EBF2: variants seen among roughly 807,000 people sequenced by gnomAD.
The protein encoded by EBF2 is EBF transcription factor 2.
EBF2 carries 21 observed loss-of-function variants against 72.8 expected under a neutral mutation model. The observed-to-expected ratio is 0.29, with a 90% CI of 0.20 to 0.42. The LOEUF (loss-of-function observed/expected upper bound fraction) is 0.42, where lower values mean the gene tolerates loss of function less well. EBF2 is among the 10% of genes least tolerant of loss of function. The pLI is 1.00. For synonymous variants in EBF2, 299 were observed against 274.2 expected (o/e 1.09, Z -0.89); for missense variants, 637 against 731.2 (o/e 0.87, Z 1.49).
At chr8:25,993,398 A>G (rs555392330) in intron 6 of EBF2, among the ~76,000 whole-genome samples, 78 of 152,288 alleles carry the variant, frequency 5.1e-4, no homozygotes, top group African/African-American at 1.8e-3. Flanking sequence ...GCCTCTTACT[A>G]CAAGACCTAG....
rs1252147421 is a variant in EBF2 at position 26,044,388 on chromosome 8, G to T, written c.131+341C>A. On this transcript the variant is annotated intron_variant, in intron 1 of 15. Coordinates refer to ENST00000520164, the MANE Select transcript of EBF2 (RefSeq NM_022659.4). This position sits in a 1 kb window ranked among gnomAD's most constrained non-coding sequence, Gnocchi z 4.1. The stretch of plus-strand genomic sequence containing the variant: ...CTGCCAGCGCCGGTGTTCACGCTCC[G>T]TTCGGGGCCAGGCCGGCTCGGCTTG... Among the ~76,000 whole-genome samples, 1 of 152,288 alleles carries T rather than the reference G, an allele frequency of 6.6e-6. No individual in the cohort carries two copies. Among genetic ancestry groups the T allele is most frequent in the Non-Finnish European group, 1.5e-5 (1 of 68,054 alleles).
intron 14 of EBF2, among the ~76,000 whole-genome samples, chr8:25,851,304 G>T (rs4618702): frequency 0.48 from 72,288 of 151,644 alleles, 18,251 homozygotes; most frequent in African/African-American, 0.64. Flanking sequence ...ATGTAAAAGT[G>T]TATTAACATT....
intron 6 of EBF2, among the ~76,000 whole-genome samples, chr8:25,930,570 T>C (rs1464296680): frequency 6.6e-6 from 1 of 152,154 alleles, no homozygotes; most frequent in Non-Finnish European, 1.5e-5. Context: ...CCTCATTTAG[T>C]TGAGAAAGAG....
intron 6 of EBF2, among the ~76,000 whole-genome samples, chr8:25,926,642 A>G (rs1803392588): frequency 6.6e-6 from 1 of 152,144 alleles, no homozygotes; most frequent in Admixed American, 6.5e-5. Flanking sequence ...TGATTCCTCC[A>G]TATGTTCCAC....
chr8:25,947,682 C>T (rs570365715), intron 6 of EBF2, among the ~76,000 whole-genome samples: 6 of 152,306 alleles, frequency 3.9e-5, no homozygotes, highest in African/African-American at 9.6e-5. Flanking sequence ...TGTTGCAACA[C>T]GACACACTCC....
chr8:25,956,172 A>G (rs1404734294), intron 6 of EBF2, among the ~76,000 whole-genome samples: 1 of 152,132 alleles, frequency 6.6e-6, no homozygotes, highest in Non-Finnish European at 1.5e-5. Context: ...TAATCCCAGC[A>G]CTTTGGGAGG....
At chr8:26,005,541 T>TATAAAATATAATATATA (rs1403511221) in intron 6 of EBF2, among the ~76,000 whole-genome samples, 2 of 36,396 alleles carry the variant, frequency 5.5e-5, no homozygotes, top group Non-Finnish European at 8.9e-5. Context: ...TTATATATAT[T>TATAAAATATAATATATA]TTATATATAT....
chr8:25,904,914 G>A (rs1214660381), intron 7 of EBF2, among the ~76,000 whole-genome samples: 2 of 152,136 alleles, frequency 1.3e-5, no homozygotes, highest in African/African-American at 2.4e-5. Flanking sequence ...GACAACTCAT[G>A]GAATAGGAGA....
intron 6 of EBF2, among the ~76,000 whole-genome samples, chr8:25,920,977 G>T (rs1458343582): frequency 6.6e-6 from 1 of 152,062 alleles, no homozygotes; most frequent in Non-Finnish European, 1.5e-5. Context: ...AACCGAGATG[G>T]TAATTACAGC....
At chr8:25,897,155 C>T (rs1802873959) in intron 7 of EBF2, among the ~76,000 whole-genome samples, 1 of 151,942 alleles carries the variant, frequency 6.6e-6, no homozygotes, top group Non-Finnish European at 1.5e-5. Context: ...TGGGTTGCTC[C>T]AGCAGAGAGA....
At chr8:26,006,460 T>C (rs144894058) in intron 6 of EBF2, among the ~76,000 whole-genome samples, 350 of 152,348 alleles carry the variant, frequency 2.3e-3, no homozygotes, top group African/African-American at 7.7e-3. Context: ...AATAGATTGC[T>C]CAGGTCTTTG....
intron 5 of EBF2, among the ~76,000 whole-genome samples, chr8:26,034,801 C>G (rs137954908): frequency 7.1e-4 from 108 of 152,310 alleles, no homozygotes; most frequent in African/African-American, 2.5e-3. Flanking sequence ...AATAACCAAA[C>G]TCTATGTGAA....
At chr8:25,956,735 G>A (rs1234194198) in intron 6 of EBF2, among the ~76,000 whole-genome samples, 3 of 152,232 alleles carry the variant, frequency 2.0e-5, no homozygotes, top group Admixed American at 6.5e-5. Flanking sequence ...TACAGGGCAG[G>A]TGGGGCCGTT....
At chr8:25,845,918 TTCTC>T (rs796670991) in intron 15 of EBF2, among the ~76,000 whole-genome samples, 21 of 152,176 alleles carry the variant, frequency 1.4e-4, no homozygotes, top group African/African-American at 5.1e-4. Context: ...ATGGCTGAAA[TTCTC>T]TCTGCTTTTC....
At chr8:25,863,284 A>C (rs1288401240) in intron 10 of EBF2, among the ~76,000 whole-genome samples, 1 of 152,126 alleles carries the variant, frequency 6.6e-6, no homozygotes, top group Non-Finnish European at 1.5e-5. Context: ...CTTTATGCAT[A>C]ATACGCTTCC....
chr8:26,031,832 G>A (rs900657892), intron 6 of EBF2: 1 of 152,126 alleles, frequency 6.6e-6, no homozygotes, highest in Non-Finnish European at 1.5e-5. Flanking sequence ...AGATTTTTCA[G>A]CTAGATGAGG....
chr8:26,028,806 C>T (rs1391427133), intron 6 of EBF2, among the ~76,000 whole-genome samples: 2 of 152,184 alleles, frequency 1.3e-5, no homozygotes, highest in Non-Finnish European at 2.9e-5. Flanking sequence ...AATGATGTTT[C>T]ATTAGTGTTT....
At chr8:25,857,018 C>T (rs1233673865) in intron 14 of EBF2, among the ~76,000 whole-genome samples, 1 of 152,122 alleles carries the variant, frequency 6.6e-6, no homozygotes, top group Non-Finnish European at 1.5e-5. Context: ...TGCAATAATT[C>T]CCCCAAACAC....
chr8:25,909,516 T>TC lies in EBF2; in HGVS notation c.552-962dup, dbSNP rs994906706. The stretch of plus-strand genomic sequence containing the variant: ...ATTTTACCGCAGTCCCAAAGTCCCT[T>TC]CAGAACTCTCACATCCATGTCTTGA... On this transcript the variant is annotated intron_variant, in intron 6 of 15. Transcript: ENST00000520164. Among the ~76,000 whole-genome samples, 42 of 152,122 alleles carry TC rather than the reference T, an allele frequency of 2.8e-4. 1 individual carries two copies. The highest frequency in any genetic ancestry group is 7.2e-5 in the African/African-American group (3 of 41,426).
Sources: allele counts gnomAD v4.1 joint callset (sites outside exome capture counted in the v4.1 genomes callset), GRCh38; gene constraint gnomAD v4.1.1; non-coding constraint Gnocchi (gnomAD v3.1); transcripts MANE v1.5; gene names NCBI Gene and HGNC (gene_info 2026-07-23, HGNC 2026-07-21).